EP300: variants seen among roughly 807,000 people sequenced by gnomAD.
EP300 encodes EP300 lysine acetyltransferase, also known as histone acetyltransferase p300.
EP300 carries 31 observed loss-of-function variants against 264.0 expected under a neutral mutation model. The observed-to-expected ratio is 0.12, with a 90% CI of 0.09 to 0.16. The LOEUF (loss-of-function observed/expected upper bound fraction) is 0.16. Ranked by LOEUF, EP300 falls within the 10% of genes least tolerant of loss-of-function variation. The pLI is 1.00. For synonymous variants in EP300, 1,340 were observed against 1,045.4 expected, an observed-to-expected ratio of 1.28 and a Z score of -5.44; for missense variants, 2,766 against 3,052.9, an observed-to-expected ratio of 0.91 and a Z score of 2.21.
rs1236533772 is a variant in EP300 at position 41,177,524 on chromosome 22, C to T, written c.5813C>T (p.Thr1938Met). The T allele has an allele frequency of 1.2e-6, 2 of 1,614,198 alleles. No individual in the cohort carries two copies. The highest frequency in any genetic ancestry group is 1.7e-5 in the Admixed American group (1 of 60,022). ...MAMQIQRAAE[T>M]QRQMAHVQIF... ...ATGCAGATTCAGAGAGCAGCGGAGACGCAGCGCCAGATGGCCCACGTGCAA... is the reference window on the plus strand; with the variant it reads ...ATGCAGATTCAGAGAGCAGCGGAGATGCAGCGCCAGATGGCCCACGTGCAA... The change falls in exon 31 of 31, where the codon ACG becomes ATG. Residue 1938 changes from threonine to methionine, a missense_variant. Coordinates refer to ENST00000263253, the MANE Select transcript of EP300 (RefSeq NM_001429.4).
chr22:41,130,575 C>T (rs888015331), intron 5 of EP300, among the ~76,000 whole-genome samples: 1 of 151,944 alleles, frequency 6.6e-6, no homozygotes, highest in African/African-American at 2.4e-5. Context: ...CTGAACACTG[C>T]TTAACATCCA....
intron 1 of EP300, among the ~76,000 whole-genome samples, chr22:41,103,747 C>T (rs1176923608): frequency 6.6e-6 from 1 of 152,104 alleles, no homozygotes; most frequent in Non-Finnish European, 1.5e-5. Context: ...AGGAATTTGC[C>T]ATTTATCTTA....
At chr22:41,147,077 G>C (rs1276116343) in intron 11 of EP300, among the ~76,000 whole-genome samples, 1 of 152,062 alleles carries the variant, frequency 6.6e-6, no homozygotes, top group Non-Finnish European at 1.5e-5. Flanking sequence ...GGCCGAGGCT[G>C]GTGTACCACC....
At chr22:41,111,496 T>C (rs2058790033) in intron 1 of EP300, among the ~76,000 whole-genome samples, 1 of 152,222 alleles carries the variant, frequency 6.6e-6, no homozygotes, top group Non-Finnish European at 1.5e-5. Context: ...AGTTATATTA[T>C]CTACAGACAA....
intron 27 of EP300, among the ~76,000 whole-genome samples, chr22:41,171,101 G>A (rs2059168189): frequency 6.6e-6 from 1 of 151,186 alleles, no homozygotes; most frequent in South Asian, 2.1e-4. Context: ...AAGAGCGGTA[G>A]ATCAAGAAAT....
At position 41,154,462 on chromosome 22, in the gene EP300, A is replaced by C. The variant is rs145360332; in HGVS notation, c.3143-533A>C. The stretch of plus-strand genomic sequence containing the variant: ...AGTGGCGCCATCTCGGCTCACTGCA[A>C]CATCTGCCTCCCGAGTTCAAGCAGT... On this transcript the variant is annotated intron_variant, in intron 16 of 30. Coordinates refer to ENST00000263253, the MANE Select transcript of EP300 (RefSeq NM_001429.4). 3.8e-3 allele frequency among the ~76,000 whole-genome samples: 529 copies of C among 140,812 alleles called. 17 individuals are homozygous for C. The South Asian group carries it at 0.07, about 19-fold the overall frequency. 92.4% of individuals were successfully genotyped at this position (140,812 alleles called of 152,430 possible). A position where few individuals can be genotyped will look rare whatever the true frequency, so the allele number is the denominator to read the frequency against.
intron 27 of EP300, 76 bp from the exon 28 acceptor site, chr22:41,172,423 C>G (rs117677771): frequency 9.1e-6 from 12 of 1,315,084 alleles, no homozygotes; most frequent in Non-Finnish European, 1.3e-5. Flanking sequence ...TGTTTCTTGT[C>G]AGCCATGATT....
chr22:41,111,876 CTTTTTTTTTTTTTTT>C (rs71200661), intron 1 of EP300, among the ~76,000 whole-genome samples: 1 of 54,706 alleles, frequency 1.8e-5, no homozygotes, highest in African/African-American at 7.4e-5. Flanking sequence ...AACTTGTAAC[CTTTTTTTTTTTTTTT>C]TTTTTTTTTT....
In EP300 at chr22:41,146,833, A is replaced by AT. The variant is rs766192274; in HGVS notation, c.2131+24dup. ...CACAATCTGGTAAATAGTGAAAAAA[A>AT]TTTTTTTATTTTAAAAGAATCCCCG... On this transcript the variant is annotated intron_variant, in intron 11 of 30. Transcript: ENST00000263253. 1.7e-3 allele frequency: 2,699 copies of AT among 1,608,974 alleles called. 6 individuals carry two copies. Among genetic ancestry groups the AT allele is most frequent in the Non-Finnish European group, 2.0e-3 (2,389 of 1,176,730 alleles).
intron 1 of EP300, among the ~76,000 whole-genome samples, chr22:41,099,610 C>A (rs1283336185): frequency 6.6e-6 from 1 of 152,174 alleles, no homozygotes; most frequent in Non-Finnish European, 1.5e-5. Flanking sequence ...TAGATTTGAT[C>A]TTTGTAACCT....
intron 3 of EP300, chr22:41,126,393 C>T: frequency 4.4e-6 from 1 of 227,258 alleles, no homozygotes; most frequent in Non-Finnish European, 8.8e-6. Context: ...GCAAAGGATC[C>T]GAACTCTCAG....
At chr22:41,170,227 C>T (rs1408043304) in intron 26 of EP300, among the ~76,000 whole-genome samples, 179 bp from the exon 27 acceptor site, 2 of 152,222 alleles carry the variant, frequency 1.3e-5, no homozygotes, top group Non-Finnish European at 2.9e-5. Flanking sequence ...ATTGTTACTA[C>T]TGTGAGTTAT....
At chr22:41,114,953 G>C (rs1399093303) in intron 1 of EP300, among the ~76,000 whole-genome samples, 3 of 152,080 alleles carry the variant, frequency 2.0e-5, no homozygotes, top group African/African-American at 4.8e-5. Context: ...TTTTTTAAGA[G>C]GATAATAGCT....
Position 41,135,877 on chromosome 22 carries a change from A to G in EP300, c.1593A>G (p.Ser531=), listed in dbSNP as rs1364973168. 1 of 1,614,100 alleles carries G rather than the reference A, an allele frequency of 6.2e-7. No individual in the cohort carries two copies. Residue 531 remains serine (S), a synonymous_variant, in exon 7 of 31, where the codon TCA becomes TCG. Transcript: ENST00000263253. The part of the protein sequence containing the change: ...GVQTPSLLSD[S]MLHSAINSQN... ...AAACGCCGAGTCTTCTTTCTGACTC[A>G]ATGTTGCATTCAGCCATAAATTCTC...
chr22:41,120,227 G>T (rs1197931823), intron 2 of EP300, among the ~76,000 whole-genome samples: 1 of 152,110 alleles, frequency 6.6e-6, no homozygotes, highest in Non-Finnish European at 1.5e-5. Flanking sequence ...GTAGGTTTAG[G>T]ATAAGATAAC....
intron 22 of EP300, among the ~76,000 whole-genome samples, 187 bp downstream of exon 22, chr22:41,164,317 G>A (rs1479265315): frequency 6.6e-6 from 1 of 152,114 alleles, no homozygotes; most frequent in East Asian, 1.9e-4. Context: ...TCCAAAAATA[G>A]ATTTTTATCT....
At chr22:41,122,154 CTTCTTTTTT>C (rs2058855935) in intron 2 of EP300, among the ~76,000 whole-genome samples, 2 of 97,254 alleles carry the variant, frequency 2.1e-5, no homozygotes, top group South Asian at 4.1e-4. Flanking sequence ...CTTTCTTCTT[CTTCTTTTTT>C]TTTTTTTTTT....
rs2145713741 is a variant in EP300, at chr22:41,129,979, G to A, written c.1258G>A (p.Ala420Thr). The change falls in exon 5 of 31, where the codon GCT (alanine) becomes ACT (threonine). Residue 420 changes from alanine to threonine, a missense_variant. Coordinates refer to ENST00000263253, the MANE Select transcript of EP300 (RefSeq NM_001429.4). Reference sequence around the variant, plus strand: ...TCCTGTGTGTCTCCCCCTCAAAAATGCTGGTGATAAGAGAAATCAACAGCG... The same window carrying A: ...TCCTGTGTGTCTCCCCCTCAAAAATACTGGTGATAAGAGAAATCAACAGCG... ...DCPVCLPLKN[A>T]GDKRNQQPIL... The A allele has an allele frequency of 6.2e-7, 1 of 1,613,644 alleles. No homozygotes were observed. Among genetic ancestry groups the A allele is most frequent in the Non-Finnish European group, 8.5e-7 (1 of 1,179,670 alleles).
chr22:41,144,881 T>C (rs2059002104), intron 10 of EP300, among the ~76,000 whole-genome samples: 2 of 152,110 alleles, frequency 1.3e-5, no homozygotes, highest in Non-Finnish European at 2.9e-5. Flanking sequence ...TTAAAAAGTC[T>C]GAATTTCTGG....
Sources: allele counts gnomAD v4.1 joint callset (sites outside exome capture counted in the v4.1 genomes callset), GRCh38; gene constraint gnomAD v4.1.1; transcripts MANE v1.5; gene names NCBI Gene and HGNC (gene_info 2026-07-23, HGNC 2026-07-21).